Variants in LCORL observed in about 807,000 individuals in gnomAD.
The protein encoded by LCORL is ligand-dependent nuclear receptor corepressor-like protein.
A neutral mutation model predicts 141.8 loss-of-function variants in LCORL; 41 were observed. That is an observed-to-expected ratio of 0.29 (90% CI 0.23 to 0.38). The LOEUF is 0.38. LCORL is among the 10% of genes least tolerant of loss of function. The pLI, the probability that LCORL is intolerant of heterozygous loss-of-function variation, is 1.00. For synonymous variants in LCORL, 618 were observed against 694.1 expected (o/e 0.89, Z 1.72); for missense variants, 1,759 against 2,035.0 (o/e 0.86, Z 2.61).
At chr4:17,998,422 T>G (rs1350126764) in intron 1 of LCORL, among the ~76,000 whole-genome samples, 1 of 152,112 alleles carries the variant, frequency 6.6e-6, no homozygotes, top group African/African-American at 2.4e-5. Flanking sequence ...TTCTATAATT[T>G]TTTTCTATTT....
intron 6 of LCORL, among the ~76,000 whole-genome samples, chr4:17,878,720 A>G (rs542900532): frequency 6.6e-6 from 1 of 151,518 alleles, no homozygotes; most frequent in East Asian, 1.9e-4. Context: ...TTTAGATTTT[A>G]TGTAAATAAG....
intron 7 of LCORL, among the ~76,000 whole-genome samples, chr4:17,865,441 G>A (rs1173988430): frequency 6.6e-6 from 1 of 152,072 alleles, no homozygotes; most frequent in Non-Finnish European, 1.5e-5. Flanking sequence ...TAATCTTCCT[G>A]CCTCAGCCTC....
intron 1 of LCORL, among the ~76,000 whole-genome samples, chr4:18,002,433 C>T (rs1482931687): frequency 6.6e-6 from 1 of 151,834 alleles, no homozygotes; most frequent in Non-Finnish European, 1.5e-5. Flanking sequence ...GGTTCTAGAA[C>T]TTAAATTTTT....
exon 8 of LCORL, chr4:17,842,182 AAGT>A: frequency 1.4e-6 from 1 of 700,312 alleles, no homozygotes; most frequent in South Asian, 1.9e-5. Flanking sequence ...TGGCTAGAAC[AAGT>A]AGGAGATACA....
chr4:17,913,398 A>G (rs1732886942), intron 4 of LCORL, among the ~76,000 whole-genome samples: 1 of 152,260 alleles, frequency 6.6e-6, no homozygotes, highest in Admixed American at 6.5e-5. Context: ...GGCTTTACCA[A>G]TATAATCCTG....
At chr4:18,003,108 A>G (rs187470905) in intron 1 of LCORL, among the ~76,000 whole-genome samples, 1 of 152,260 alleles carries the variant, frequency 6.6e-6, no homozygotes, top group Non-Finnish European at 1.5e-5. Flanking sequence ...GGGTGCTATA[A>G]TTTTCCAAGA....
At chr4:17,881,493 G>C (rs1393589532) in intron 6 of LCORL, 2 of 862,210 alleles carry the variant, frequency 2.3e-6, no homozygotes, top group African/African-American at 3.7e-5. Context: ...TACTATTTCT[G>C]ACCAAAAATA....
intron 4 of LCORL, among the ~76,000 whole-genome samples, chr4:17,931,174 T>C (rs1735978428): frequency 2.0e-5 from 3 of 152,036 alleles, no homozygotes; most frequent in Admixed American, 6.6e-5. Context: ...TCTTGCATTT[T>C]AATACTTTCT....
rs186261087 is a variant in LCORL at position 17,924,506 on chromosome 4, G to A, written c.431-15161C>T. On this transcript the variant is annotated intron_variant, in intron 4 of 7. Coordinates refer to ENST00000635767, the Ensembl canonical transcript of LCORL. ...CTCGGGGTGATCAGCCAGCTACTTG[G>A]TGGAAGGTTGATTATACTGGACCTC... 2.1e-3 allele frequency among the ~76,000 whole-genome samples: 325 copies of A among 152,276 alleles called. 1 individual carries two copies. The highest frequency in any genetic ancestry group is 3.7e-3 in the Non-Finnish European group (249 of 68,018).
chr4:17,850,069 G>A (rs1393445751), intron 7 of LCORL, among the ~76,000 whole-genome samples: 1 of 149,784 alleles, frequency 6.7e-6, no homozygotes, highest in African/African-American at 2.4e-5. Context: ...GGGAAAACTG[G>A]CTAGCCATAT....
chr4:17,978,223 T>G (rs1031151813), intron 1 of LCORL, among the ~76,000 whole-genome samples: 1 of 152,178 alleles, frequency 6.6e-6, no homozygotes, highest in Admixed American at 6.5e-5. Context: ...TTTTACATTG[T>G]GAGTGCTGGG....
At chr4:17,938,000 T>C (rs900726228) in intron 4 of LCORL, among the ~76,000 whole-genome samples, 16 of 136,136 alleles carry the variant, frequency 1.2e-4, no homozygotes, top group African/African-American at 4.8e-4. Flanking sequence ...ATTTAAACAA[T>C]TTCTTTTTTT....
At chr4:17,940,885 T>C (rs1459275966) in intron 4 of LCORL, among the ~76,000 whole-genome samples, 2 of 152,148 alleles carry the variant, frequency 1.3e-5, no homozygotes, top group African/African-American at 4.8e-5. Context: ...ATAAATAGTA[T>C]CATGAAAATT....
At chr4:17,956,234 T>C (rs543261445) in intron 4 of LCORL, among the ~76,000 whole-genome samples, 3 of 152,192 alleles carry the variant, frequency 2.0e-5, no homozygotes, top group Non-Finnish European at 2.9e-5. Flanking sequence ...ACAGCCACTA[T>C]AGAAAATAGT....
At chr4:17,910,007 T>C (rs1732260695) in intron 4 of LCORL, among the ~76,000 whole-genome samples, 3 of 152,216 alleles carry the variant, frequency 2.0e-5, no homozygotes, top group Admixed American at 2.0e-4. Context: ...ACTGAAACTG[T>C]AGAATAATTA....
At chr4:17,867,552 AACC>A (rs1279225339) in intron 7 of LCORL, among the ~76,000 whole-genome samples, 1 of 152,224 alleles carries the variant, frequency 6.6e-6, no homozygotes, top group African/African-American at 2.4e-5. Flanking sequence ...TGTTCTCTAC[AACC>A]ACCAGTATGT....
Position 17,884,665 on chromosome 4 carries a change from C to A in LCORL, c.776+1403G>T. 2.0e-6 allele frequency: 3 copies of A among 1,537,210 alleles called. No homozygotes were observed. The highest frequency in any genetic ancestry group is 1.2e-5 in the South Asian group (1 of 82,026). On this transcript the variant is annotated intron_variant, in intron 6 of 7. Transcript: ENST00000635767. The surrounding 1 kb of genome is among the most constrained non-coding windows in gnomAD (Gnocchi z 4.4). Reference sequence around the variant, plus strand: ...CTTTATTTATGTCCAGTGCTCCAGACTGAATGTCTTTCAAAGCTTTTGAGA... The same window carrying A: ...CTTTATTTATGTCCAGTGCTCCAGAATGAATGTCTTTCAAAGCTTTTGAGA...
At chr4:17,908,572 A>T (rs781774187) in intron 5 of LCORL, among the ~76,000 whole-genome samples, 1 of 152,150 alleles carries the variant, frequency 6.6e-6, no homozygotes, top group Non-Finnish European at 1.5e-5. Flanking sequence ...ATTAAACTCT[A>T]TAAGTCCAAC....
At chr4:18,003,599 C>T (rs562317530) in intron 1 of LCORL, among the ~76,000 whole-genome samples, 10 of 151,958 alleles carry the variant, frequency 6.6e-5, no homozygotes, top group Non-Finnish European at 1.2e-4. Context: ...TATTAGAATA[C>T]CTGAGAGACA....
Sources: gnomAD v4.1 joint callset for allele counts (sites outside exome capture counted in the v4.1 genomes callset) on GRCh38, gnomAD v4.1.1 for gene constraint, Gnocchi (gnomAD v3.1) non-coding constraint, MANE v1.5 for transcripts, NCBI Gene and HGNC (gene_info 2026-07-23, HGNC 2026-07-21) for gene names.